MAPK8: variants seen among roughly 807,000 people sequenced by gnomAD.
MAPK8 encodes the protein JUN N-terminal kinase.
In MAPK8, 13 loss-of-function variants were observed where a neutral mutation model predicts 52.9. The observed-to-expected ratio is 0.25, with a 90% CI of 0.16 to 0.39. MAPK8 has a LOEUF of 0.39. Among genes scored for constraint, MAPK8 ranks in the 10% least tolerant of loss-of-function variants. The pLI is 1.00. For missense variants in MAPK8, 300 were observed against 519.2 expected, an observed-to-expected ratio of 0.58 and a Z score of 4.10; for synonymous variants, 191 against 169.8, an observed-to-expected ratio of 1.12 and a Z score of -0.97.
At chr10:48,404,043 A>G (rs1476605736) in intron 2 of MAPK8, among the ~76,000 whole-genome samples, 7 of 151,842 alleles carry the variant, frequency 4.6e-5, no homozygotes, top group South Asian at 4.1e-4. Context: ...TCGGCCTCCC[A>G]AAGTGCTGGG....
intron 3 of MAPK8, 79 bp from the exon 4 acceptor site, chr10:48,409,800 A>T (rs1000672474): frequency 2.2e-6 from 2 of 924,742 alleles, no homozygotes; most frequent in African/African-American, 1.7e-5. Flanking sequence ...AGTTTTTTTT[A>T]ACTCATGTAT....
chr10:48,409,191 A>G (rs771086118), intron 3 of MAPK8, among the ~76,000 whole-genome samples: 10 of 152,276 alleles, frequency 6.6e-5, no homozygotes, highest in African/African-American at 2.2e-4. Context: ...AGCACAGGGA[A>G]TGGAAAAAAG....
intron 1 of MAPK8, among the ~76,000 whole-genome samples, chr10:48,362,378 T>G (rs1847614257): frequency 6.6e-6 from 1 of 152,132 alleles, no homozygotes; most frequent in Non-Finnish European, 1.5e-5. Context: ...CTGCCTTGCT[T>G]TAAGATGAAC....
intron 1 of MAPK8, among the ~76,000 whole-genome samples, chr10:48,327,514 G>A (rs551376260): frequency 2.3e-4 from 35 of 152,242 alleles, no homozygotes; most frequent in South Asian, 1.7e-3. Flanking sequence ...TTTGTTACCT[G>A]TGTTCATGAA....
chr10:48,369,565 T>C (rs1288655562), intron 1 of MAPK8, among the ~76,000 whole-genome samples: 1 of 152,094 alleles, frequency 6.6e-6, no homozygotes, highest in Admixed American at 6.6e-5. Context: ...TAGATACATA[T>C]TTGAAATTCT....
At chr10:48,398,709 G>A (rs552395266) in intron 1 of MAPK8, among the ~76,000 whole-genome samples, 1 of 152,286 alleles carries the variant, frequency 6.6e-6, no homozygotes, top group East Asian at 1.9e-4. Flanking sequence ...CTAGTAAAAG[G>A]ACTCCAGCAT....
chr10:48,340,787 A>G (rs1230393895), intron 1 of MAPK8, among the ~76,000 whole-genome samples: 1 of 152,236 alleles, frequency 6.6e-6, no homozygotes, highest in East Asian at 1.9e-4. Context: ...GAGGATCCCT[A>G]TGCCAATTTC....
intron 1 of MAPK8, among the ~76,000 whole-genome samples, chr10:48,317,249 C>A (rs1842588970): frequency 6.6e-6 from 1 of 152,184 alleles, no homozygotes; most frequent in African/African-American, 2.4e-5. Context: ...TCGTAGATCA[C>A]TGCAGCCTTA....
At chr10:48,377,558 C>T (rs1451596893) in intron 1 of MAPK8, among the ~76,000 whole-genome samples, 4 of 152,080 alleles carry the variant, frequency 2.6e-5, no homozygotes, top group African/African-American at 9.7e-5. Context: ...CAAGTCATAT[C>T]CTCAGAAGAG....
In MAPK8 at chr10:48,420,168, G is replaced by A. The variant is rs755655560; in HGVS notation, c.464G>A (p.Ser155Asn). Residue 155 changes from serine to asparagine, a missense_variant, in exon 6 of 12, where the codon AGT becomes AAT. Coordinates refer to ENST00000374189, the MANE Select transcript of MAPK8 (RefSeq NM_001323329.2). ...AGIIHRDLKPSNIVVKSDCTL... is the reference protein window; with the variant it reads ...AGIIHRDLKPNNIVVKSDCTL... ...TATTTTCTGAAGGACTTAAAGCCCA[G>A]TAATATAGTAGTAAAATCTGATTGC... 6.2e-7 allele frequency: 1 copy of A among 1,612,940 alleles called. No homozygotes were observed. The highest frequency in any genetic ancestry group is 1.7e-5 in the Admixed American group (1 of 59,852).
chr10:48,409,754 A>C, intron 3 of MAPK8, 125 bp from the exon 4 acceptor site: 2 of 677,574 alleles, frequency 3.0e-6, no homozygotes, highest in Non-Finnish European at 5.0e-6. Context: ...AATTAACTTG[A>C]GCTTAGAATG....
chr10:48,309,020 G>A (rs574125813), intron 1 of MAPK8, among the ~76,000 whole-genome samples: 1 of 152,290 alleles, frequency 6.6e-6, no homozygotes, highest in South Asian at 2.1e-4. Context: ...TAAGATGATG[G>A]TTGAAAATCT....
chr10:48,322,405 G>A (rs192642696), intron 1 of MAPK8, among the ~76,000 whole-genome samples: 267 of 152,222 alleles, frequency 1.8e-3, no homozygotes, highest in African/African-American at 6.0e-3. Flanking sequence ...ATAATTTAAG[G>A]TTTGGGAATG....
In MAPK8 at chr10:48,376,752, C is replaced by G. The variant is rs186099764; in HGVS notation, c.-49-24860C>G. Among the ~76,000 whole-genome samples the G allele has an allele frequency of 1.0e-3, 157 of 152,224 alleles. No homozygotes were observed. The East Asian group carries it at 0.024, about 23-fold the overall frequency. ...AACAGATGCTGGAGAAATAGGAACA[C>G]TTTTGCACTGTTGGTGGGAGTGTAA... On this transcript the variant is annotated intron_variant, in intron 1 of 11. Coordinates refer to ENST00000374189, the MANE Select transcript of MAPK8 (RefSeq NM_001323329.2).
chr10:48,363,497 A>C (rs1464131778), intron 1 of MAPK8, among the ~76,000 whole-genome samples: 1 of 152,154 alleles, frequency 6.6e-6, no homozygotes, highest in Non-Finnish European at 1.5e-5. Context: ...TTTCATCTTT[A>C]GTTATCCATA....
In MAPK8 at chr10:48,428,163, A is replaced by G. The variant is rs145006110; in HGVS notation, c.1060+1020A>G. Among the ~76,000 whole-genome samples, 40 of 152,260 alleles carry G rather than the reference A, an allele frequency of 2.6e-4. No homozygotes were observed. The East Asian group carries it at 7.7e-3, about 29-fold the overall frequency. On this transcript the variant is annotated intron_variant, in intron 10 of 11. Transcript: ENST00000374189. ...GTTAATTTTTAATATTTGTAAATCTAATGTAGTTTTATTCTATTTTATGAA... is the reference window on the plus strand; with the variant it reads ...GTTAATTTTTAATATTTGTAAATCTGATGTAGTTTTATTCTATTTTATGAA...
chr10:48,311,587 A>T (rs1226084709), intron 1 of MAPK8, among the ~76,000 whole-genome samples: 1 of 152,218 alleles, frequency 6.6e-6, no homozygotes, highest in Non-Finnish European at 1.5e-5. Context: ...ACACATTTGA[A>T]GAAAATGGAA....
rs1392170526 is a variant in MAPK8 at position 48,410,033 on chromosome 10, C to T, written c.315C>T (p.Tyr105=). The T allele has an allele frequency of 6.2e-7, 1 of 1,603,800 alleles. No individual in the cohort carries two copies. Among genetic ancestry groups the T allele is most frequent in the African/African-American group, 1.3e-5 (1 of 74,334 alleles). The part of the protein sequence containing the change: ...QKSLEEFQDV[Y]IVMELMDANL... ...TTCTCTTTTTTCACTCATAAAGTTA[C>T]ATAGTCATGGAGCTCATGGATGCAA... is the stretch of plus-strand genomic sequence containing the variant. The change falls in exon 5 of 12, where the codon TAC becomes TAT. Residue 105 remains tyrosine (Y), a synonymous_variant. Coordinates refer to ENST00000374189, the MANE Select transcript of MAPK8 (RefSeq NM_001323329.2).
intron 1 of MAPK8, among the ~76,000 whole-genome samples, chr10:48,379,572 A>G (rs917903640): frequency 6.6e-6 from 1 of 152,224 alleles, no homozygotes; most frequent in Non-Finnish European, 1.5e-5. Context: ...ACAAAAGTAT[A>G]CTTTACCTAA....
Sources: allele counts gnomAD v4.1 joint callset (sites outside exome capture counted in the v4.1 genomes callset), GRCh38; gene constraint gnomAD v4.1.1; transcripts MANE v1.5; gene names NCBI Gene and HGNC (gene_info 2026-07-23, HGNC 2026-07-21).